EPS15: variants seen among roughly 807,000 people sequenced by gnomAD.
EPS15 encodes the protein epidermal growth factor receptor pathway substrate 15, also known as epidermal growth factor receptor substrate 15.
A neutral mutation model predicts 113.8 loss-of-function variants in EPS15; 72 were observed. The ratio of observed to expected loss-of-function variants is 0.63; its 90% CI spans 0.52 to 0.77. The LOEUF is 0.77. EPS15 is among the 30% of genes least tolerant of loss of function. EPS15 has a pLI of 0.00. For synonymous variants in EPS15, 344 were observed against 363.4 expected (o/e 0.95, Z 0.61); for missense variants, 1,048 against 1,045.8 (o/e 1.00, Z -0.03).
intron 21 of EPS15, among the ~76,000 whole-genome samples, chr1:51,386,243 C>T (rs1028902804): frequency 1.3e-5 from 2 of 151,874 alleles, no homozygotes. Flanking sequence ...AGCTTAATTT[C>T]TAATAGGATG....
intron 15 of EPS15, among the ~76,000 whole-genome samples, chr1:51,406,559 C>T (rs778310809): frequency 2.0e-5 from 3 of 152,054 alleles, no homozygotes; most frequent in Non-Finnish European, 4.4e-5. Context: ...GGGAATGCTA[C>T]GTGACTTAGA....
At chr1:51,451,414 T>A (rs1281564090) in intron 8 of EPS15, among the ~76,000 whole-genome samples, 1 of 147,924 alleles carries the variant, frequency 6.8e-6, no homozygotes, top group Non-Finnish European at 1.5e-5. Context: ...TTGATTGACC[T>A]TGGGAGGTGG....
chr1:51,363,530 C>T (rs534635701), intron 23 of EPS15, among the ~76,000 whole-genome samples: 21 of 152,224 alleles, frequency 1.4e-4, no homozygotes, highest in African/African-American at 5.1e-4. Flanking sequence ...CAGGAAACTG[C>T]TATTCAAATG....
At chr1:51,379,990 G>C (rs1457680711) in intron 21 of EPS15, among the ~76,000 whole-genome samples, 2 of 151,802 alleles carry the variant, frequency 1.3e-5, no homozygotes, top group Non-Finnish European at 2.9e-5. Flanking sequence ...TGAAGCGACA[G>C]GGGGAGGATG....
At chr1:51,505,433 TTA>T (rs1251677715) in intron 1 of EPS15, among the ~76,000 whole-genome samples, 2 of 152,184 alleles carry the variant, frequency 1.3e-5, no homozygotes, top group Non-Finnish European at 2.9e-5. Context: ...AGTATATGTA[TTA>T]TATTATTCCA....
chr1:51,510,141 T>C (rs1477100670), intron 1 of EPS15, among the ~76,000 whole-genome samples: 1 of 152,198 alleles, frequency 6.6e-6, no homozygotes, highest in Admixed American at 6.5e-5. Flanking sequence ...CACGTAAGTG[T>C]GCTCAGTAAG....
chr1:51,476,955 G>A (rs1482424079), intron 2 of EPS15, among the ~76,000 whole-genome samples: 2 of 152,276 alleles, frequency 1.3e-5, no homozygotes, highest in East Asian at 1.9e-4. Context: ...GTATCAGGAT[G>A]ATGCTGGCCT....
chr1:51,475,804 T>C (rs915587155), intron 2 of EPS15, among the ~76,000 whole-genome samples: 1 of 152,156 alleles, frequency 6.6e-6, no homozygotes, highest in Non-Finnish European at 1.5e-5. Flanking sequence ...AGGGTTTTTA[T>C]GGGTTTTAGG....
At chr1:51,494,729 T>C (rs948855862) in intron 1 of EPS15, among the ~76,000 whole-genome samples, 3 of 152,272 alleles carry the variant, frequency 2.0e-5, no homozygotes, top group African/African-American at 7.2e-5. Context: ...GGTAGTTCTT[T>C]GGCTTGTGGC....
At chr1:51,371,973 A>T (rs141984197) in intron 21 of EPS15, among the ~76,000 whole-genome samples, 1 of 152,364 alleles carries the variant, frequency 6.6e-6, no homozygotes, top group African/African-American at 2.4e-5. Flanking sequence ...ATAGTATTCA[A>T]GGCTGTACAA....
At chr1:51,380,118 C>T (rs1330347270) in intron 21 of EPS15, among the ~76,000 whole-genome samples, 3 of 150,144 alleles carry the variant, frequency 2.0e-5, no homozygotes, top group Admixed American at 6.6e-5. Context: ...CAGCAACTAG[C>T]GAGGCTGAAG....
intron 8 of EPS15, among the ~76,000 whole-genome samples, chr1:51,455,152 G>A (rs748495354): frequency 3.3e-5 from 5 of 151,844 alleles, no homozygotes; most frequent in Admixed American, 2.6e-4. Context: ...ATAAAACAAA[G>A]AACTATTTCA....
rs773951134 is a variant in EPS15, at chr1:51,382,755, C to T, written c.2119+11626G>A. On this transcript the variant is annotated intron_variant, in intron 21 of 24. Transcript: ENST00000371733. The stretch of plus-strand genomic sequence containing the variant: ...TAAAATTAACAAAACAAAACACCTC[C>T]CAACAAAGAAAAGCTCACGATTACA... 3.3e-5 allele frequency among the ~76,000 whole-genome samples: 5 copies of T among 152,160 alleles called. No individual in the cohort carries two copies. In the South Asian group the frequency reaches 6.2e-4, roughly 19 times the overall value.
intron 2 of EPS15, among the ~76,000 whole-genome samples, chr1:51,480,825 T>C (rs1257906702): frequency 6.6e-6 from 1 of 152,218 alleles, no homozygotes; most frequent in Non-Finnish European, 1.5e-5. Flanking sequence ...TTCCCATTTT[T>C]ATATCTGACC....
intron 21 of EPS15, among the ~76,000 whole-genome samples, chr1:51,371,960 A>T (rs138826309): frequency 1.3e-3 from 194 of 152,332 alleles, no homozygotes; most frequent in African/African-American, 4.5e-3. Flanking sequence ...TACAGTATTC[A>T]GTATAGTATT....
intron 1 of EPS15, chr1:51,518,165 G>A (rs998967006): frequency 1.3e-5 from 2 of 152,524 alleles, no homozygotes; most frequent in Non-Finnish European, 1.5e-5. Context: ...GAACTGGCAG[G>A]TGTCTGTCAC....
intron 1 of EPS15, among the ~76,000 whole-genome samples, chr1:51,490,754 A>C (rs1331718960): frequency 6.6e-6 from 1 of 152,122 alleles, no homozygotes; most frequent in Non-Finnish European, 1.5e-5. Context: ...GTGACAGAGC[A>C]AGTCTTTATT....
intron 21 of EPS15, among the ~76,000 whole-genome samples, chr1:51,388,580 T>C (rs1173649850): frequency 6.6e-6 from 1 of 150,834 alleles, no homozygotes; most frequent in Non-Finnish European, 1.5e-5. Context: ...GCAAGACTAA[T>C]AAAGAAAAAA....
intron 5 of EPS15, 136 bp from the exon 6 acceptor site, chr1:51,465,462 T>C: frequency 1.9e-6 from 1 of 513,222 alleles, no homozygotes; most frequent in East Asian, 3.2e-5. Flanking sequence ...ATTTTACATT[T>C]ACTAGACCAT....
Sources: allele counts gnomAD v4.1 joint callset (sites outside exome capture counted in the v4.1 genomes callset), GRCh38; gene constraint gnomAD v4.1.1; transcripts MANE v1.5; gene names NCBI Gene and HGNC (gene_info 2026-07-23, HGNC 2026-07-21).